Variants in PLA2G3 observed in about 807,000 individuals in gnomAD.
PLA2G3 encodes the protein group 3 secretory phospholipase A2.
A neutral mutation model predicts 51.3 loss-of-function variants in PLA2G3; 39 were observed. The ratio of observed to expected loss-of-function variants is 0.76; its 90% confidence interval spans 0.59 to 0.99. PLA2G3 has a LOEUF of 0.99. PLA2G3 is among the 50% of genes least tolerant of loss of function. PLA2G3 has a pLI of 0.00. For synonymous variants in PLA2G3, 293 were observed against 263.1 expected, an observed-to-expected ratio of 1.11 and a Z score of -1.10; for missense variants, 677 against 662.1, an observed-to-expected ratio of 1.02 and a Z score of -0.25.
Position 31,137,783 on chromosome 22 carries a change from G to C in PLA2G3, c.993C>G (p.Asp331Glu). The change falls in exon 4 of 7, where the codon GAC becomes GAG. Residue 331 changes from aspartate to glutamate, a missense_variant. Transcript: ENST00000215885. The part of the protein sequence containing the change: ...PSKANTTALQ[D>E]PMVSPRLDVA... ...CATCAAGCCTGGGAGAGACCATAGG[G>C]TCCTGGAGGGCTGTGGTGTTGGCTT... 1.9e-6 allele frequency: 3 copies of C among 1,614,032 alleles called. No individual in the cohort carries two copies. The highest frequency in any genetic ancestry group is 1.7e-6 in the Non-Finnish European group (2 of 1,179,986).
At chr22:31,138,467 C>A in intron 2 of PLA2G3, 57 bp from the exon 3 acceptor site, 1 of 1,592,824 alleles carries the variant, frequency 6.3e-7, no homozygotes, top group South Asian at 1.1e-5. Flanking sequence ...TGGCTCCTCC[C>A]ACAGCCCACT....
intron 5 of PLA2G3, 24 bp downstream of exon 5, chr22:31,136,884 C>A (rs201752896): frequency 3.6e-4 from 583 of 1,607,352 alleles, no homozygotes; most frequent in Non-Finnish European, 4.1e-4. Flanking sequence ...CAGCCCACCC[C>A]GCGAGGGTTC....
Position 31,139,974 on chromosome 22 carries a change from C to T in PLA2G3, c.381G>A (p.Gly127=). ...GCCCTGCTGCTCGCTTCTTCCTGGCCCCTGCTGGACTCTCCTCAAGCGCTC... is the reference window on the plus strand; with the variant it reads ...GCCCTGCTGCTCGCTTCTTCCTGGCTCCTGCTGGACTCTCCTCAAGCGCTC... ...ACRALEESPA[G]ARKKRAAGQS... The change falls in exon 1 of 7, where the codon GGG becomes GGA. Residue 127 remains glycine, a synonymous_variant. Transcript: ENST00000215885. 6.2e-7 allele frequency: 1 copy of T among 1,613,954 alleles called. No individual in the cohort carries two copies. The highest frequency in any genetic ancestry group is 8.5e-7 in the Non-Finnish European group (1 of 1,180,028).
At chr22:31,138,435 C>T (rs888349914) in intron 2 of PLA2G3, 25 bp from the exon 3 acceptor site, 1 of 1,611,382 alleles carries the variant, frequency 6.2e-7, no homozygotes, top group African/African-American at 1.3e-5. Flanking sequence ...ATACCCAGGA[C>T]CCTGGGGCAT....
chr22:31,137,665 C>T (rs777813578), intron 4 of PLA2G3, 45 bp downstream of exon 4: 1 of 1,522,720 alleles, frequency 6.6e-7, no homozygotes, highest in Non-Finnish European at 8.8e-7. Context: ...GAAGCAGGGA[C>T]ACCCCCTCAT....
At chr22:31,139,428 G>A (rs926321299) in intron 1 of PLA2G3, among the ~76,000 whole-genome samples, 1 of 152,196 alleles carries the variant, frequency 6.6e-6, no homozygotes, top group African/African-American at 2.4e-5. Flanking sequence ...GAGGAAATAA[G>A]TCCAGAGAGG....
Position 31,137,952 on chromosome 22 carries a change from G to A in PLA2G3, c.824C>T (p.Pro275Leu), listed in dbSNP as rs1197891758. 6.2e-7 allele frequency: 1 copy of A among 1,601,600 alleles called. No individual in the cohort carries two copies. The highest frequency in any genetic ancestry group is 8.5e-7 in the Non-Finnish European group (1 of 1,174,662). ...CCAGGAGGCATTGTAGAAGGTCCTG[G>A]GCTGCAGGCGAGCGAGGGGCACTGT... ...YGTVPLARLQ[P>L]RTFYNASWSS... Residue 275 changes from proline (P) to leucine (L), a missense_variant, in exon 4 of 7, where the codon CCC becomes CTC. By Grantham distance (98) the Pro-to-Leu change is moderately conservative. Transcript: ENST00000215885.
At chr22:31,137,587 G>T in intron 4 of PLA2G3, 123 bp downstream of exon 4, 1 of 873,976 alleles carries the variant, frequency 1.1e-6, no homozygotes, top group South Asian at 1.7e-5. Flanking sequence ...GATTTCATGG[G>T]AGAGGTTGGG....
intron 2 of PLA2G3, 57 bp from the exon 3 acceptor site, chr22:31,138,467 C>T (rs1282356123): frequency 6.3e-7 from 1 of 1,592,706 alleles, no homozygotes; most frequent in Non-Finnish European, 8.6e-7. Context: ...TGGCTCCTCC[C>T]ACAGCCCACT....
In PLA2G3 at chr22:31,138,804, AGGGAG is replaced by A. The variant is rs764140593; in HGVS notation, c.515-10_515-6del. 1.9e-6 allele frequency: 3 copies of A among 1,613,868 alleles called. No homozygotes were observed. The highest frequency in any genetic ancestry group is 2.5e-6 in the Non-Finnish European group (3 of 1,179,926). On this transcript the variant is annotated splice_polypyrimidine_tract_variant and splice_region_variant and intron_variant, in intron 1 of 6. Coordinates refer to ENST00000215885, the MANE Select transcript of PLA2G3 (RefSeq NM_015715.5). ...GATCAGGTCCCTGGAAGACCCCTGC[AGGGAG>A]GGGAGGGGAGAGGGCACCAACTCAG...
In PLA2G3 at chr22:31,134,881, C is replaced by T. The variant is rs1922463103; in HGVS notation, c.*842G>A. ...CAGTGCTATTCTTAGACCCATTTCA[C>T]AGGTGAGCGAACTGAGGCCTTTAAA... On this transcript the variant is annotated 3_prime_UTR_variant, in exon 7 of 7. Coordinates refer to ENST00000215885, the MANE Select transcript of PLA2G3 (RefSeq NM_015715.5). 6.3e-6 allele frequency: 1 copy of T among 157,758 alleles called. No individual in the cohort carries two copies. Among genetic ancestry groups the T allele is most frequent in the Non-Finnish European group, 1.4e-5 (1 of 72,066 alleles). The allele number at this position is 157,758 out of a possible 1,614,324, so 9.8% of individuals were successfully genotyped here. A position where few individuals can be genotyped will look rare whatever the true frequency, so the allele number is the denominator to read the frequency against.
Position 31,137,715 on chromosome 22 carries a change from G to T in PLA2G3, c.1061C>A (p.Pro354His). The change falls in exon 4 of 7, where the codon CCT becomes CAT. Residue 354 changes from proline (P) to histidine (H), a missense_variant. Pro to His is a moderately conservative substitution (Grantham distance 77, BLOSUM62 -2). Transcript: ENST00000215885. Reference protein sequence around the residue: ...GLQGPQGGLKPQGARWVCRSF... With the variant: ...GLQGPQGGLKHQGARWVCRSF... ...AGGTTAGGTTCTGAGCTCACCCTGA[G>T]GTTTTAGGCCACCCTGTGGGCCCTG... 6.2e-7 allele frequency: 1 copy of T among 1,602,932 alleles called. No homozygotes were observed. Among genetic ancestry groups the T allele is most frequent in the Non-Finnish European group, 8.5e-7 (1 of 1,176,562 alleles).
intron 1 of PLA2G3, among the ~76,000 whole-genome samples, chr22:31,139,051 A>G (rs1276306247): frequency 6.6e-6 from 1 of 152,182 alleles, no homozygotes; most frequent in Non-Finnish European, 1.5e-5. Context: ...CCATAAATAC[A>G]TGGAAAGGTC....
In PLA2G3 at chr22:31,135,901, G is replaced by A. The variant is rs1215878214; in HGVS notation, c.1352C>T (p.Ala451Val). 5 of 1,613,610 alleles carry A rather than the reference G, an allele frequency of 3.1e-6. No homozygotes were observed. Among genetic ancestry groups the A allele is most frequent in the Non-Finnish European group, 4.2e-6 (5 of 1,180,028 alleles). ...CTGCTGAAGCCTCCGCAAGTGCCGG[G>A]CTGACACCCTGATGGCCCTAGGGTC... The part of the protein sequence containing the change: ...SRDPRAIRVS[A>V]RHLRRLQQRR... The change falls in exon 7 of 7, where the codon GCC becomes GTC. Residue 451 changes from alanine to valine, a missense_variant. Transcript: ENST00000215885.
intron 1 of PLA2G3, 45 bp downstream of exon 1, chr22:31,139,796 C>G: frequency 7.0e-7 from 1 of 1,419,846 alleles, no homozygotes; most frequent in Non-Finnish European, 9.8e-7. Context: ...AGAAACCTTG[C>G]TTCCCCGATC....
At position 31,139,958 on chromosome 22, in the gene PLA2G3, C is replaced by G; in HGVS notation, c.397G>C (p.Ala133Pro). Residue 133 changes from alanine to proline, a missense_variant, in exon 1 of 7, where the codon GCA becomes CCA. Ala to Pro is a conservative substitution (Grantham distance 27). Coordinates refer to ENST00000215885, the MANE Select transcript of PLA2G3 (RefSeq NM_015715.5). ...CCAGGGACTCCACTCTGCCCTGCTG[C>G]TCGCTTCTTCCTGGCCCCTGCTGGA... ...ESPAGARKKR[A>P]AGQSGVPGGG... is the part of the protein sequence containing the mutation. The G allele has an allele frequency of 6.2e-7, 1 of 1,614,058 alleles. No individual in the cohort carries two copies. Among genetic ancestry groups the G allele is most frequent in the Non-Finnish European group, 8.5e-7 (1 of 1,180,022 alleles).
Position 31,137,872 on chromosome 22 carries a change from G to A in PLA2G3, c.904C>T (p.Pro302Ser), listed in dbSNP as rs1283448299. Residue 302 changes from proline (P) to serine (S), a missense_variant, in exon 4 of 7, where the codon CCT becomes TCT. Coordinates refer to ENST00000215885, the MANE Select transcript of PLA2G3 (RefSeq NM_015715.5). ...PSSRSPAPPK[P>S]RQKQHLRKGP... ...TTCCGAAGGTGCTGCTTCTGTCGAGGCTTGGGAGGGGCTGGGCTCCGGGAG... is the reference window on the plus strand; with the variant it reads ...TTCCGAAGGTGCTGCTTCTGTCGAGACTTGGGAGGGGCTGGGCTCCGGGAG... 2 of 1,614,054 alleles carry A rather than the reference G, an allele frequency of 1.2e-6. No homozygotes were observed. Among genetic ancestry groups the A allele is most frequent in the Admixed American group, 3.3e-5 (2 of 60,024 alleles).
At chr22:31,138,160 T>C (rs991084517) in intron 3 of PLA2G3, 116 bp downstream of exon 3, 7 of 1,405,490 alleles carry the variant, frequency 5.0e-6, no homozygotes, top group Non-Finnish European at 5.8e-6. Flanking sequence ...GGAGAGGACA[T>C]GCAGGATGGG....
In PLA2G3 at chr22:31,137,048, G is replaced by T. The variant is rs374507416; in HGVS notation, c.1067-8C>A. On this transcript the variant is annotated splice_polypyrimidine_tract_variant and splice_region_variant and intron_variant, in intron 4 of 6. Transcript: ENST00000215885. ...GGCAGACCCAGCGGGCACCTGAGGG[G>T]TGGATGTGGTGTTGATGGGAGCCCA... 7 of 1,521,034 alleles carry T rather than the reference G, an allele frequency of 4.6e-6. No individual in the cohort carries two copies. The highest frequency in any genetic ancestry group is 2.8e-5 in the African/African-American group (2 of 71,618). 94.2% of individuals were successfully genotyped at this position (1,521,034 alleles called of 1,614,324 possible).
Sources: gnomAD v4.1 joint callset for allele counts (sites outside exome capture counted in the v4.1 genomes callset) on GRCh38, gnomAD v4.1.1 for gene constraint, MANE v1.5 for transcripts, NCBI Gene and HGNC (gene_info 2026-07-23, HGNC 2026-07-21) for gene names.